Variants in AGAP9 observed in about 807,000 individuals in gnomAD.
AGAP9 encodes arf-GAP with GTPase, ANK repeat and PH domain-containing protein 9.
AGAP9 carries 23 observed loss-of-function variants against 55.6 expected under a neutral mutation model. The ratio of observed to expected loss-of-function variants is 0.41; its 90% CI spans 0.30 to 0.59. AGAP9 has a LOEUF of 0.59. Ranked by LOEUF, AGAP9 falls within the 20% of genes least tolerant of loss-of-function variation. The pLI, the probability that AGAP9 is intolerant of heterozygous loss-of-function variation, is 0.25. For missense variants in AGAP9, 309 were observed against 808.1 expected, an observed-to-expected ratio of 0.38 and a Z score of 7.49; for synonymous variants, 120 against 305.0, an observed-to-expected ratio of 0.39 and a Z score of 6.32.
Position 47,502,196 on chromosome 10 carries a change from C to T in AGAP9, c.1933G>A (p.Gly645Arg). 1.3e-6 allele frequency: 2 copies of T among 1,540,868 alleles called. No homozygotes were observed. Among genetic ancestry groups the T allele is most frequent in the East Asian group, 2.9e-5 (1 of 34,178 alleles). The change falls in exon 8 of 8, where the codon GGG (glycine) becomes AGG (arginine). Residue 645 changes from glycine (G) to arginine (R), a missense_variant. Physicochemically the swap from Gly to Arg is moderately radical, Grantham distance 125. Coordinates refer to ENST00000452145, the MANE Select transcript of AGAP9 (RefSeq NM_001190810.1). ...GGCATCTCGGGCCATGACGTCCACCCCGTCAGGAGCTGCTCCAGGACCACA... is the reference window on the plus strand; with the variant it reads ...GGCATCTCGGGCCATGACGTCCACCTCGTCAGGAGCTGCTCCAGGACCACA... ...GNVVLEQLLT[G>R]WTSWPEMPTG...
chr10:47,502,498 C>T lies in AGAP9; in HGVS notation c.1631G>A (p.Trp544Ter). Residue 544 changes from tryptophan to a stop codon, truncating the protein, a stop_gained, in exon 8 of 8, where the codon TGG (tryptophan) becomes TAG (stop). Coordinates refer to ENST00000452145, the MANE Select transcript of AGAP9 (RefSeq NM_001190810.1). LOFTEE classifies it high-confidence loss of function. ...TGTCTGCCCCTGGCTGCTCCCTTCC[C>T]AGATGCTGTTGGCTAGCTCATTGCC... ...SIGNELANSI[W>*]EGSSQGQTKP... 3.1e-6 allele frequency: 5 copies of T among 1,613,216 alleles called. No homozygotes were observed. Among genetic ancestry groups the T allele is most frequent in the Non-Finnish European group, 4.2e-6 (5 of 1,179,974 alleles).
At chr10:47,520,923 G>T (rs1416748866) in intron 2 of AGAP9, among the ~76,000 whole-genome samples, 39 of 119,630 alleles carry the variant, frequency 3.3e-4, no homozygotes, top group Non-Finnish European at 1.5e-4. Context: ...AATAAATCAA[G>T]ATGGCAGTAA....
chr10:47,510,891 C>T lies in AGAP9; in HGVS notation c.397-620G>A, dbSNP rs1156906222. 2.3e-5 allele frequency among the ~76,000 whole-genome samples: 3 copies of T among 129,282 alleles called. No individual in the cohort carries two copies. The Admixed American group carries it at 2.4e-4, about 10-fold the overall frequency. The allele number at this position is 129,282 out of a possible 152,430, so 84.8% of individuals were successfully genotyped here. A position where few individuals can be genotyped will look rare whatever the true frequency, so the allele number is the denominator to read the frequency against. On this transcript the variant is annotated intron_variant, in intron 4 of 7. Transcript: ENST00000452145. ...TGAGATTTCATATTTTTTTCTACAG[C>T]AATAAAAAGCAGCCAAGAATTTCTA... is the stretch of plus-strand genomic sequence containing the variant.
chr10:47,502,393 G>A lies in AGAP9; in HGVS notation c.1736C>T (p.Pro579Leu). ...SKYEEKLFLA[P>L]LPCTELSLGQ... Reference sequence around the variant, plus strand: ...CAGGGACAGCTCAGTGCAGGGTAGTGGGGCCAGAAAGAGCTTCTCCTCATA... The same window carrying A: ...CAGGGACAGCTCAGTGCAGGGTAGTAGGGCCAGAAAGAGCTTCTCCTCATA... The change falls in exon 8 of 8, where the codon CCA becomes CTA. Residue 579 changes from proline to leucine, a missense_variant. Physicochemically the swap from Pro to Leu is moderately conservative, Grantham distance 98 (BLOSUM62 -3). Transcript: ENST00000452145. 1 of 1,610,010 alleles carries A rather than the reference G, an allele frequency of 6.2e-7. No individual in the cohort carries two copies. Among genetic ancestry groups the A allele is most frequent in the Non-Finnish European group, 8.5e-7 (1 of 1,179,640 alleles).
rs1279661642 is a variant in AGAP9 at position 47,502,934 on chromosome 10, T to A, written c.1195A>T (p.Lys399Ter). The A allele has an allele frequency of 4.4e-6, 7 of 1,601,638 alleles. 2 individuals are homozygous for A. The African/African-American group carries it at 8.5e-5, about 20-fold the overall frequency. Residue 399 changes from lysine to a stop codon, truncating the protein, a stop_gained, in exon 8 of 8, where the codon AAA becomes TAA. Coordinates refer to ENST00000452145, the MANE Select transcript of AGAP9 (RefSeq NM_001190810.1). LOFTEE classifies it high-confidence loss of function. Reference sequence around the variant, plus strand: ...CTTTTCTTCTTTAGGTGTTTCTTTTTATTGGCATGAGGAGAGGGGGGCGGG... The same window carrying A: ...CTTTTCTTCTTTAGGTGTTTCTTTTAATTGGCATGAGGAGAGGGGGGCGGG... ...LNPPPSPHAN[K>*]KKHLKKKSTN...
In AGAP9 at chr10:47,502,746, C is replaced by A. The variant is rs1840381303; in HGVS notation, c.1383G>T (p.Gln461His). 2.5e-6 allele frequency: 4 copies of A among 1,591,924 alleles called. No homozygotes were observed. Among genetic ancestry groups the A allele is most frequent in the Admixed American group, 1.7e-5 (1 of 58,796 alleles). The change falls in exon 8 of 8, where the codon CAG (glutamine) becomes CAT (histidine). Residue 461 changes from glutamine to histidine, a missense_variant. Transcript: ENST00000452145. The stretch of plus-strand genomic sequence containing the variant: ...TCGACTGCAGGGCCATGGCCTCACT[C>A]TGGCTGGTCAGCTGGGACTTGCTTT... ...SSKSKSQLTS[Q>H]SEAMALQSIQ...
Position 47,521,979 on chromosome 10 carries a change from G to A in AGAP9, c.292+887C>T, listed in dbSNP as rs1247835763. Among the ~76,000 whole-genome samples the A allele has an allele frequency of 2.8e-3, 419 of 150,838 alleles. 8 individuals are homozygous for A. The highest frequency in any genetic ancestry group is 8.7e-3 in the African/African-American group (352 of 40,530). On this transcript the variant is annotated intron_variant, in intron 2 of 7. Coordinates refer to ENST00000452145, the MANE Select transcript of AGAP9 (RefSeq NM_001190810.1). ...TATTTTCTTTTTTAGTAGAGACAGC[G>A]TTTCACCATGTTGGCCAGGCTGGTC...
At position 47,521,332 on chromosome 10, in the gene AGAP9, C is replaced by A. The variant is rs1840830789; in HGVS notation, c.293-765G>T. 1.4e-5 allele frequency among the ~76,000 whole-genome samples: 2 copies of A among 140,504 alleles called. 1 individual carries two copies. Among genetic ancestry groups the A allele is most frequent in the Admixed American group, 1.4e-4 (2 of 13,854 alleles). The allele number at this position is 140,504 out of a possible 152,430, so 92.2% of individuals were successfully genotyped here. ...ATAAGTTTATACAAGTACTTACATGCTTTGTGTATAAAGGTACAATCAATT... is the reference window on the plus strand; with the variant it reads ...ATAAGTTTATACAAGTACTTACATGATTTGTGTATAAAGGTACAATCAATT... On this transcript the variant is annotated intron_variant, in intron 2 of 7. Transcript: ENST00000452145.
chr10:47,521,890 C>G (rs1840850683), intron 2 of AGAP9, among the ~76,000 whole-genome samples: 1 of 149,774 alleles, frequency 6.7e-6, no homozygotes, highest in Non-Finnish European at 1.5e-5. Flanking sequence ...AAGCAATTCT[C>G]CCGCCTCAGC....
At chr10:47,510,844 A>G (rs1211443834) in intron 4 of AGAP9, among the ~76,000 whole-genome samples, 1 of 125,888 alleles carries the variant, frequency 7.9e-6, no homozygotes. Flanking sequence ...AAAAAAAAAA[A>G]AAAAGAAAGA....
rs1422241099 is a variant in AGAP9, at chr10:47,508,087, G to A, written c.498-504C>T. 3.0e-5 allele frequency among the ~76,000 whole-genome samples: 4 copies of A among 131,542 alleles called. 2 individuals carry two copies. The East Asian group carries it at 1.4e-3, about 45-fold the overall frequency. 86.3% of individuals were successfully genotyped at this position (131,542 alleles called of 152,430 possible). ...TTTTTTTTTTGGGGGGGTGGTGGGTGGAGTTTCGCTCTTGTTGCCCAGGCT... is the reference window on the plus strand; with the variant it reads ...TTTTTTTTTTGGGGGGGTGGTGGGTAGAGTTTCGCTCTTGTTGCCCAGGCT... On this transcript the variant is annotated intron_variant, in intron 5 of 7. Coordinates refer to ENST00000452145, the MANE Select transcript of AGAP9 (RefSeq NM_001190810.1).
chr10:47,522,460 C>T (rs1485100741), intron 2 of AGAP9, among the ~76,000 whole-genome samples: 1 of 150,644 alleles, frequency 6.6e-6, no homozygotes, highest in African/African-American at 2.5e-5. Flanking sequence ...CATTTTATAC[C>T]TTTCACAATT....
At chr10:47,513,160 G>A (rs1292367028) in intron 4 of AGAP9, among the ~76,000 whole-genome samples, 128 of 149,564 alleles carry the variant, frequency 8.6e-4, no homozygotes, top group African/African-American at 3.0e-3. Flanking sequence ...TCAGCCACCC[G>A]AGTAGATGGG....
At position 47,509,058 on chromosome 10, in the gene AGAP9, G is replaced by T. The variant is rs1840544081; in HGVS notation, c.497+1113C>A. 1.5e-5 allele frequency among the ~76,000 whole-genome samples: 2 copies of T among 135,242 alleles called. 1 individual carries two copies. Among genetic ancestry groups the T allele is most frequent in the East Asian group, 5.7e-4 (2 of 3,528 alleles). The allele number at this position is 135,242 out of a possible 152,430, so 88.7% of individuals were successfully genotyped here. On this transcript the variant is annotated intron_variant, in intron 5 of 7. Coordinates refer to ENST00000452145, the MANE Select transcript of AGAP9 (RefSeq NM_001190810.1). Reference sequence around the variant, plus strand: ...CACCAAATGATTATTTCTCAAACTTGCTGGTGGCAAATTAAAACTTACTAT... The same window carrying T: ...CACCAAATGATTATTTCTCAAACTTTCTGGTGGCAAATTAAAACTTACTAT...
At chr10:47,517,343 G>T (rs3006322) in intron 4 of AGAP9, among the ~76,000 whole-genome samples, 1 of 87,556 alleles carries the variant, frequency 1.1e-5, no homozygotes, top group African/African-American at 5.5e-5. Context: ...CACGATCTTG[G>T]CTCACTGCAA....
chr10:47,503,230 C>G lies in AGAP9; in HGVS notation c.899G>C (p.Trp300Ser). 6.4e-7 allele frequency: 1 copy of G among 1,558,098 alleles called. No individual in the cohort carries two copies. Among genetic ancestry groups the G allele is most frequent in the Non-Finnish European group, 8.7e-7 (1 of 1,148,332 alleles). Residue 300 changes from tryptophan (W) to serine (S), a missense_variant, in exon 8 of 8, where the codon TGG becomes TCG. Trp to Ser is a radical substitution (Grantham distance 177). Coordinates refer to ENST00000452145, the MANE Select transcript of AGAP9 (RefSeq NM_001190810.1). Reference sequence around the variant, plus strand: ...ACACAGGGTGACGTATTTCTTTTTCCATGTCTTCAGCCATTTTCCACTTCG... The same window carrying G: ...ACACAGGGTGACGTATTTCTTTTTCGATGTCTTCAGCCATTTTCCACTTCG... The part of the protein sequence containing the change: ...LKRSGKWLKT[W>S]KKKYVTLCSN...
Position 47,520,870 on chromosome 10 carries a change from G to A in AGAP9, c.293-303C>T, listed in dbSNP as rs1189502537. 9.6e-4 allele frequency among the ~76,000 whole-genome samples: 125 copies of A among 130,376 alleles called. 1 individual carries two copies. Among genetic ancestry groups the A allele is most frequent in the African/African-American group, 4.0e-3 (118 of 29,740 alleles). The allele number at this position is 130,376 out of a possible 152,430, so 85.5% of individuals were successfully genotyped here. A position where few individuals can be genotyped will look rare whatever the true frequency, so the allele number is the denominator to read the frequency against. The stretch of plus-strand genomic sequence containing the variant: ...AAAAAAAAAAAAAAAAAGAAGAAGA[G>A]GTAAATTTTGGCTTTGAGTTGTGTA... On this transcript the variant is annotated intron_variant, in intron 2 of 7. Coordinates refer to ENST00000452145, the MANE Select transcript of AGAP9 (RefSeq NM_001190810.1).
At position 47,503,143 on chromosome 10, in the gene AGAP9, T is replaced by A. The variant is rs1447544032; in HGVS notation, c.986A>T (p.Lys329Ile). ...LGDYMKNIHK[K>I]EIDLRTSTIK... The stretch of plus-strand genomic sequence containing the variant: ...GGTAGATGTCCGAAGGTCAATCTCT[T>A]TTTTATGAATATTCTTCATATAATC... Residue 329 changes from lysine (K) to isoleucine (I), a missense_variant, in exon 8 of 8, where the codon AAA becomes ATA. Physicochemically the swap from Lys to Ile is moderately radical, Grantham distance 102. Coordinates refer to ENST00000452145, the MANE Select transcript of AGAP9 (RefSeq NM_001190810.1). The A allele has an allele frequency of 1.4e-5, 22 of 1,610,316 alleles. No individual in the cohort carries two copies. The East Asian group carries it at 4.9e-4, about 36-fold the overall frequency.
In AGAP9 at chr10:47,502,451, T is replaced by C. The variant is rs1389331343; in HGVS notation, c.1678A>G (p.Arg560Gly). ...CGGATCCACCATTCCTTCTCTTCCCTCGTGGACTTTATTGAGGGTTTTGTC... is the reference window on the plus strand; with the variant it reads ...CGGATCCACCATTCCTTCTCTTCCCCCGTGGACTTTATTGAGGGTTTTGTC... ...GQTKPSIKST[R>G]EEKEWWIRSK... The change falls in exon 8 of 8, where the codon AGG (arginine) becomes GGG (glycine). Residue 560 changes from arginine (R) to glycine (G), a missense_variant. Transcript: ENST00000452145. The C allele has an allele frequency of 1.9e-6, 3 of 1,612,386 alleles. No individual in the cohort carries two copies. Among genetic ancestry groups the C allele is most frequent in the Non-Finnish European group, 2.5e-6 (3 of 1,179,930 alleles).
Sources: gnomAD v4.1 joint callset for allele counts (sites outside exome capture counted in the v4.1 genomes callset) on GRCh38, gnomAD v4.1.1 for gene constraint, MANE v1.5 for transcripts, NCBI Gene and HGNC (gene_info 2026-07-23, HGNC 2026-07-21) for gene names.